Variants in ZNF407 observed in about 807,000 individuals in gnomAD.
ZNF407 encodes zinc finger protein 407.
Under a neutral mutation model 131.2 loss-of-function variants are expected in ZNF407, and 17 were observed. That is an observed-to-expected ratio of 0.13 (90% CI 0.09 to 0.19). ZNF407 has a LOEUF of 0.19. Among genes scored for constraint, ZNF407 ranks in the 10% least tolerant of loss-of-function variants. The probability of loss-of-function intolerance (pLI) is 1.00; values close to 1 mark genes in which losing one functional copy is unlikely to be tolerated. For synonymous variants in ZNF407, 1,156 were observed against 1,062.0 expected (o/e 1.09, Z -1.72); for missense variants, 2,681 against 2,830.6 (o/e 0.95, Z 1.20).
At chr18:75,029,528 T>A (rs570244451) in intron 8 of ZNF407, among the ~76,000 whole-genome samples, 4 of 152,220 alleles carry the variant, frequency 2.6e-5, no homozygotes, top group African/African-American at 7.2e-5. Flanking sequence ...ACCCTGGGCA[T>A]GGGATGCGGG....
At chr18:74,736,838 A>G (rs1167727608) in intron 3 of ZNF407, among the ~76,000 whole-genome samples, 1 of 152,194 alleles carries the variant, frequency 6.6e-6, no homozygotes, top group Non-Finnish European at 1.5e-5. Flanking sequence ...CCGTTCATAT[A>G]GTGATGGGTC....
At chr18:74,692,609 T>C (rs1967252367) in intron 3 of ZNF407, among the ~76,000 whole-genome samples, 4 of 152,202 alleles carry the variant, frequency 2.6e-5, no homozygotes, top group Admixed American at 2.0e-4. Flanking sequence ...TTTGTTGGTC[T>C]TGGGGAGGAG....
chr18:74,842,561 C>T (rs1423858923), intron 4 of ZNF407, among the ~76,000 whole-genome samples: 1 of 151,586 alleles, frequency 6.6e-6, no homozygotes, highest in African/African-American at 2.4e-5. Context: ...TTTTGAAAAA[C>T]AGTGACGCCT....
intron 3 of ZNF407, among the ~76,000 whole-genome samples, chr18:74,664,417 C>T (rs1323944519): frequency 6.6e-6 from 1 of 152,200 alleles, no homozygotes; most frequent in Admixed American, 6.5e-5. Flanking sequence ...ATCACTTGAA[C>T]CAGGGAGGCG....
At chr18:74,870,401 A>T (rs1971070434) in intron 4 of ZNF407, among the ~76,000 whole-genome samples, 1 of 152,176 alleles carries the variant, frequency 6.6e-6, no homozygotes, top group Admixed American at 6.5e-5. Context: ...CTCCCTGGTG[A>T]ACTGTTTAAA....
chr18:74,827,473 A>ATT (rs375688173), intron 4 of ZNF407, among the ~76,000 whole-genome samples: 1 of 143,246 alleles, frequency 7.0e-6, no homozygotes. Context: ...CATTGTTTTC[A>ATT]TTTTTTTTTT....
At chr18:74,820,125 G>A (rs192966142) in intron 4 of ZNF407, among the ~76,000 whole-genome samples, 2 of 152,184 alleles carry the variant, frequency 1.3e-5, no homozygotes, top group African/African-American at 4.8e-5. Flanking sequence ...GAATAGAATC[G>A]ATTTTCCAGT....
chr18:74,878,547 T>C (rs1258244803), intron 5 of ZNF407, among the ~76,000 whole-genome samples: 2 of 152,126 alleles, frequency 1.3e-5, no homozygotes, highest in East Asian at 3.9e-4. Context: ...AAAGAATAAT[T>C]GTGGAGACTT....
intron 8 of ZNF407, among the ~76,000 whole-genome samples, chr18:74,993,087 C>T (rs9945585): frequency 0.25 from 37,800 of 152,056 alleles, 5,963 homozygotes; most frequent in African/African-American, 0.43. Flanking sequence ...TCCTGTAAAA[C>T]TAAACATATA....
chr18:74,975,612 T>C (rs1972519506), intron 8 of ZNF407, among the ~76,000 whole-genome samples: 2 of 152,150 alleles, frequency 1.3e-5, no homozygotes, highest in African/African-American at 2.4e-5. Context: ...CCATACTAGG[T>C]CTAGGGAAAA....
intron 1 of ZNF407, among the ~76,000 whole-genome samples, chr18:74,617,727 C>G (rs1983377006): frequency 6.6e-6 from 1 of 152,182 alleles, no homozygotes; most frequent in South Asian, 2.1e-4. Flanking sequence ...TGATTTTGAT[C>G]ATACAGGCAA....
At chr18:74,846,338 A>G (rs1434586181) in intron 4 of ZNF407, among the ~76,000 whole-genome samples, 1 of 151,558 alleles carries the variant, frequency 6.6e-6, no homozygotes, top group Non-Finnish European at 1.5e-5. Context: ...CTGGGATGTT[A>G]AAACGTCTTT....
intron 8 of ZNF407, among the ~76,000 whole-genome samples, chr18:74,927,069 A>G (rs1971923557): frequency 6.6e-6 from 1 of 152,214 alleles, no homozygotes; most frequent in Non-Finnish European, 1.5e-5. Flanking sequence ...TTTTCATGCT[A>G]TCACATTTTA....
At chr18:74,769,484 A>G (rs950757595) in intron 3 of ZNF407, among the ~76,000 whole-genome samples, 2 of 152,166 alleles carry the variant, frequency 1.3e-5, no homozygotes, top group African/African-American at 2.4e-5. Flanking sequence ...CATGATAACC[A>G]TTCATAAACA....
In ZNF407 at chr18:74,897,817, T is replaced by C. The variant is rs908650136; in HGVS notation, c.5249+7779T>C. 2.9e-4 allele frequency among the ~76,000 whole-genome samples: 44 copies of C among 152,168 alleles called. 1 individual carries two copies. The highest frequency in any genetic ancestry group is 1.3e-4 in the Non-Finnish European group (9 of 68,022). On this transcript the variant is annotated intron_variant, in intron 7 of 8. Transcript: ENST00000299687. Reference sequence around the variant, plus strand: ...GGAGCTGACAGAAGTCACCTATGCATCCCTACAGTGTGGGGTTGGATGTAG... The same window carrying C: ...GGAGCTGACAGAAGTCACCTATGCACCCCTACAGTGTGGGGTTGGATGTAG...
chr18:74,769,522 C>G (rs1006096457), intron 3 of ZNF407, among the ~76,000 whole-genome samples: 1 of 152,134 alleles, frequency 6.6e-6, no homozygotes, highest in Non-Finnish European at 1.5e-5. Context: ...TTTTGATTCC[C>G]CTGCTGGAGA....
chr18:74,643,579 T>C lies in ZNF407; in HGVS notation c.4802+2457T>C, dbSNP rs1162878613. Among the ~76,000 whole-genome samples, 4 of 152,004 alleles carry C rather than the reference T, an allele frequency of 2.6e-5. 1 individual carries two copies. The East Asian group carries it at 7.7e-4, about 29-fold the overall frequency. ...GGCAGTCACATTTTTAAAGTGAAAT[T>C]ATTACTCAGAATACTGTACTCTTTT... On this transcript the variant is annotated intron_variant, in intron 3 of 8. Transcript: ENST00000299687.
At position 75,064,561 on chromosome 18, in the gene ZNF407, A is replaced by G. The variant is rs1246353425; in HGVS notation, c.*93A>G. On this transcript the variant is annotated 3_prime_UTR_variant, in exon 9 of 9. Coordinates refer to ENST00000299687, the MANE Select transcript of ZNF407 (RefSeq NM_017757.3). ...TCCCTGAGCTTCATCTGAAACCTTC[A>G]AAACCATGAGGACAAGGCTCCCGTG... 3.3e-6 allele frequency: 4 copies of G among 1,204,590 alleles called. No individual in the cohort carries two copies. The highest frequency in any genetic ancestry group is 4.5e-6 in the Non-Finnish European group (4 of 884,956). 74.6% of individuals were successfully genotyped at this position (1,204,590 alleles called of 1,614,324 possible).
chr18:74,694,108 T>G (rs1014146820), intron 3 of ZNF407, among the ~76,000 whole-genome samples: 2 of 152,180 alleles, frequency 1.3e-5, no homozygotes, highest in Admixed American at 1.3e-4. Flanking sequence ...TATTGTGAAT[T>G]TTGGGTTGTT....
Sources: gnomAD v4.1 joint callset for allele counts (sites outside exome capture counted in the v4.1 genomes callset) on GRCh38, gnomAD v4.1.1 for gene constraint, MANE v1.5 for transcripts, NCBI Gene and HGNC (gene_info 2026-07-23, HGNC 2026-07-21) for gene names.